DNAH12: variants seen among roughly 807,000 people sequenced by gnomAD.
DNAH12 encodes dynein axonemal heavy chain 12, also known as axonemal beta dynein heavy chain 12.
A neutral mutation model predicts 371.5 loss-of-function variants in DNAH12; 285 were observed. That is an observed-to-expected ratio of 0.77 (90% CI 0.70 to 0.85). DNAH12 has a LOEUF of 0.85. Among genes scored for constraint, DNAH12 ranks in the 40% least tolerant of loss-of-function variants. The pLI, the probability that DNAH12 is intolerant of heterozygous loss-of-function variation, is 0.00. For synonymous variants in DNAH12, 1,200 were observed against 1,213.0 expected, an observed-to-expected ratio of 0.99 and a Z score of 0.22; for missense variants, 3,611 against 3,689.4, an observed-to-expected ratio of 0.98 and a Z score of 0.55.
At chr3:57,486,893 A>C (rs1475344617) in intron 12 of DNAH12, among the ~76,000 whole-genome samples, 2 of 152,048 alleles carry the variant, frequency 1.3e-5, no homozygotes, top group South Asian at 2.1e-4. Flanking sequence ...TGTCAAGAAG[A>C]AGCCACTATT....
At chr3:57,525,623 G>C (rs2068619100) in intron 2 of DNAH12, among the ~76,000 whole-genome samples, 2 of 151,640 alleles carry the variant, frequency 1.3e-5, no homozygotes, top group Non-Finnish European at 2.9e-5. Flanking sequence ...AGGTAAATAG[G>C]GTATCCATCA....
At chr3:57,328,393 A>G (rs2062002249) in intron 62 of DNAH12, among the ~76,000 whole-genome samples, 1 of 140,378 alleles carries the variant, frequency 7.1e-6, no homozygotes, top group African/African-American at 2.7e-5. Context: ...CTGGGATGCA[A>G]GGCTGGTTCA....
At chr3:57,369,152 A>G (rs1043461689) in intron 55 of DNAH12, among the ~76,000 whole-genome samples, 2 of 150,616 alleles carry the variant, frequency 1.3e-5, no homozygotes, top group Non-Finnish European at 3.0e-5. Context: ...CCCGGGAGGT[A>G]GAGATTGCAG....
At position 57,341,885 on chromosome 3, in the gene DNAH12, C is replaced by A. The variant is rs139384823; in HGVS notation, c.9675-6945G>T. ...AAATATACTACCAAAGCTCTATTAA[C>A]GAAAACAGCATGGTACTGGCATACA... is the stretch of plus-strand genomic sequence containing the variant. On this transcript the variant is annotated intron_variant, in intron 60 of 73. Transcript: ENST00000495027. Among the ~76,000 whole-genome samples the A allele has an allele frequency of 3.6e-3, 550 of 152,182 alleles. 5 individuals are homozygous for A. The highest frequency in any genetic ancestry group is 0.013 in the African/African-American group (525 of 41,512).
At chr3:57,378,363 T>A (rs1338842494) in intron 52 of DNAH12, among the ~76,000 whole-genome samples, 1 of 152,196 alleles carries the variant, frequency 6.6e-6, no homozygotes, top group South Asian at 2.1e-4. Context: ...ACATCCTAGA[T>A]AAAATTAATT....
intron 43 of DNAH12, among the ~76,000 whole-genome samples, chr3:57,401,229 G>A (rs1178002857): frequency 6.6e-6 from 1 of 151,902 alleles, no homozygotes; most frequent in African/African-American, 2.4e-5. Flanking sequence ...TGCTGAGAGG[G>A]AAGTTTGTAG....
At chr3:57,479,592 C>G (rs904966423) in intron 13 of DNAH12, among the ~76,000 whole-genome samples, 4 of 152,184 alleles carry the variant, frequency 2.6e-5, no homozygotes, top group African/African-American at 9.7e-5. Context: ...CTACAGAACT[C>G]TCCACCCCAA....
the DNAH12 span, among the ~76,000 whole-genome samples, chr3:57,555,013 A>T: frequency 6.6e-6 from 1 of 152,158 alleles, no homozygotes; most frequent in South Asian, 2.1e-4. Flanking sequence ...TGGGAGGGTA[A>T]GGCGGGGGGC....
chr3:57,455,795 T>C (rs1352160906), intron 22 of DNAH12, among the ~76,000 whole-genome samples: 1 of 152,172 alleles, frequency 6.6e-6, no homozygotes, highest in Non-Finnish European at 1.5e-5. Flanking sequence ...TAGTTTTGAA[T>C]TCAAGGTATA....
chr3:57,498,931 G>A (rs536833762), intron 11 of DNAH12, among the ~76,000 whole-genome samples: 5 of 151,956 alleles, frequency 3.3e-5, no homozygotes, highest in African/African-American at 4.8e-5. Flanking sequence ...CCTGGGAGGC[G>A]GAGGTTGCAG....
chr3:57,425,127 T>C lies in DNAH12; in HGVS notation c.5268A>G (p.Thr1756=). The stretch of plus-strand genomic sequence containing the variant: ...GAGATACAACCACGTTGCTGTTGCT[T>C]GTAGGAATCAGTTCCTGCAAGGTGA... ...RKKKCKELIP[T]SNSNVVVSLT... The change falls in exon 35 of 74, where the codon ACA becomes ACG. Residue 1756 remains threonine, a synonymous_variant. Coordinates refer to ENST00000495027, the MANE Select transcript of DNAH12 (RefSeq NM_001366028.2). The C allele has an allele frequency of 1.4e-6, 1 of 702,252 alleles. No individual in the cohort carries two copies. The highest frequency in any genetic ancestry group is 2.6e-6 in the Non-Finnish European group (1 of 384,746). The allele number at this position is 702,252 out of a possible 1,614,324, so 43.5% of individuals were successfully genotyped here.
chr3:57,479,525 T>A (rs935248255), intron 13 of DNAH12, among the ~76,000 whole-genome samples: 1 of 151,992 alleles, frequency 6.6e-6, no homozygotes, highest in African/African-American at 2.4e-5. Context: ...GACAGAAAGT[T>A]AACAAGGATA....
At chr3:57,378,401 C>T (rs2063324214) in intron 52 of DNAH12, among the ~76,000 whole-genome samples, 1 of 152,074 alleles carries the variant, frequency 6.6e-6, no homozygotes, top group Non-Finnish European at 1.5e-5. Flanking sequence ...TTATTCAGGT[C>T]TGCTCCTTTG....
At chr3:57,346,993 G>T (rs1193232395) in intron 60 of DNAH12, among the ~76,000 whole-genome samples, 2 of 152,102 alleles carry the variant, frequency 1.3e-5, no homozygotes, top group African/African-American at 2.4e-5. Flanking sequence ...AAAACAGAAA[G>T]CACCAAGCCC....
chr3:57,448,628 G>A (rs1034909926), intron 25 of DNAH12, among the ~76,000 whole-genome samples: 2 of 152,222 alleles, frequency 1.3e-5, no homozygotes, highest in African/African-American at 2.4e-5. Context: ...TGCCAATGCT[G>A]GCTCAGGCAG....
At chr3:57,516,350 C>T (rs909405845) in intron 4 of DNAH12, among the ~76,000 whole-genome samples, 5 of 152,126 alleles carry the variant, frequency 3.3e-5, no homozygotes, top group Admixed American at 2.0e-4. Context: ...GCATGAGCCA[C>T]CATGCCCGGC....
intron 2 of DNAH12, among the ~76,000 whole-genome samples, chr3:57,537,549 C>T (rs549371177): frequency 2.0e-5 from 3 of 152,276 alleles, no homozygotes; most frequent in South Asian, 4.1e-4. Context: ...GAGAAGTCTG[C>T]GCTCCTGTCA....
At chr3:57,537,185 C>T (rs914776053) in intron 2 of DNAH12, among the ~76,000 whole-genome samples, 1 of 151,838 alleles carries the variant, frequency 6.6e-6, no homozygotes, top group Admixed American at 6.6e-5. Flanking sequence ...AAGAGTGAGA[C>T]CTTGTCTCAG....
chr3:57,436,652 G>C lies in DNAH12; in HGVS notation c.4655+299C>G, dbSNP rs2065135175. Reference sequence around the variant, plus strand: ...CCTAGGGATCCTGAACTTTGAGTCTGGTTCATTTATTGATTAGAACTTTTA... The same window carrying C: ...CCTAGGGATCCTGAACTTTGAGTCTCGTTCATTTATTGATTAGAACTTTTA... On this transcript the variant is annotated intron_variant, in intron 30 of 73. Coordinates refer to ENST00000495027, the MANE Select transcript of DNAH12 (RefSeq NM_001366028.2). Among the ~76,000 whole-genome samples, 4 of 152,150 alleles carry C rather than the reference G, an allele frequency of 2.6e-5. 1 individual carries two copies. Among genetic ancestry groups the C allele is most frequent in the Admixed American group, 2.6e-4 (4 of 15,264 alleles).
Sources: allele counts gnomAD v4.1 joint callset (sites outside exome capture counted in the v4.1 genomes callset), GRCh38; gene constraint gnomAD v4.1.1; transcripts MANE v1.5; gene names NCBI Gene and HGNC (gene_info 2026-07-23, HGNC 2026-07-21).